Variants in ADAMTS18 observed in about 807,000 individuals in gnomAD.
ADAMTS18 encodes A disintegrin and metalloproteinase with thrombospondin motifs 18.
A neutral mutation model predicts 165.9 loss-of-function variants in ADAMTS18; 157 were observed. The ratio of observed to expected loss-of-function variants is 0.95; its 90% CI spans 0.83 to 1.08. The LOEUF (loss-of-function observed/expected upper bound fraction) is 1.08. Ranked by LOEUF, ADAMTS18 falls within the 50% of genes least tolerant of loss-of-function variation. The probability of loss-of-function intolerance (pLI) is 0.00; values close to 1 mark genes in which losing one functional copy is unlikely to be tolerated. For missense variants in ADAMTS18, 2,040 were observed against 1,534.0 expected (o/e 1.33, Z -5.51); for synonymous variants, 782 against 578.2 (o/e 1.35, Z -5.06).
intron 6 of ADAMTS18, among the ~76,000 whole-genome samples, chr16:77,363,318 G>A (rs1321301251): frequency 1.3e-5 from 2 of 152,000 alleles, no homozygotes; most frequent in African/African-American, 4.8e-5. Context: ...AGATGGTACT[G>A]GGGATACAGT....
chr16:77,328,359 A>C (rs952907032), intron 12 of ADAMTS18, among the ~76,000 whole-genome samples: 1 of 152,138 alleles, frequency 6.6e-6, no homozygotes, highest in Non-Finnish European at 1.5e-5. Context: ...CCAGGTTAAT[A>C]AATTTATGTG....
intron 3 of ADAMTS18, among the ~76,000 whole-genome samples, chr16:77,393,871 C>G (rs577998666): frequency 1.3e-5 from 2 of 152,322 alleles, no homozygotes; most frequent in East Asian, 3.9e-4. Flanking sequence ...CTTTCTTCAA[C>G]TGTCCTTTGA....
At chr16:77,320,437 G>T (rs2055975122) in intron 15 of ADAMTS18, among the ~76,000 whole-genome samples, 1 of 152,120 alleles carries the variant, frequency 6.6e-6, no homozygotes, top group South Asian at 2.1e-4. Flanking sequence ...TCAGGAGTTT[G>T]AGACCAGCCT....
intron 13 of ADAMTS18, among the ~76,000 whole-genome samples, chr16:77,323,344 A>G (rs961815661): frequency 6.6e-6 from 1 of 152,182 alleles, no homozygotes; most frequent in Non-Finnish European, 1.5e-5. Context: ...ATAAAAGACA[A>G]ACTAAAAACT....
At chr16:77,327,371 C>A (rs1040788267) in intron 12 of ADAMTS18, among the ~76,000 whole-genome samples, 1 of 152,102 alleles carries the variant, frequency 6.6e-6, no homozygotes, top group Non-Finnish European at 1.5e-5. Context: ...TCCAATGTAT[C>A]ATTCTTATGC....
chr16:77,328,247 C>T (rs942414714), intron 12 of ADAMTS18, among the ~76,000 whole-genome samples: 2 of 152,142 alleles, frequency 1.3e-5, no homozygotes, highest in Admixed American at 6.6e-5. Context: ...CAGCTTACTC[C>T]GTGCACAAAG....
At chr16:77,364,538 T>C (rs1362018083) in intron 4 of ADAMTS18, among the ~76,000 whole-genome samples, 157 bp from the exon 5 acceptor site, 1 of 144,928 alleles carries the variant, frequency 6.9e-6, no homozygotes, top group Non-Finnish European at 1.5e-5. Context: ...CCAGGTGCCT[T>C]GCATCTAGTA....
intron 21 of ADAMTS18, among the ~76,000 whole-genome samples, chr16:77,289,854 G>T (rs1055270004): frequency 5.9e-5 from 9 of 152,210 alleles, no homozygotes; most frequent in African/African-American, 2.2e-4. Flanking sequence ...CTGGAATTAG[G>T]TCCTCGGTGC....
intron 3 of ADAMTS18, among the ~76,000 whole-genome samples, chr16:77,413,105 T>G (rs1567550060): frequency 6.6e-6 from 1 of 152,146 alleles, no homozygotes; most frequent in Non-Finnish European, 1.5e-5. Flanking sequence ...ATGCACCCAT[T>G]CATGCTCATC....
intron 16 of ADAMTS18, among the ~76,000 whole-genome samples, chr16:77,311,192 T>G (rs1173414212): frequency 6.6e-6 from 1 of 152,222 alleles, no homozygotes; most frequent in Admixed American, 6.5e-5. Context: ...TCATAAGGAC[T>G]TAGTGAATAT....
At chr16:77,348,906 G>C (rs531296306) in intron 10 of ADAMTS18, among the ~76,000 whole-genome samples, 55 of 152,234 alleles carry the variant, frequency 3.6e-4, no homozygotes, top group Non-Finnish European at 6.9e-4. Context: ...TCACTGGGTG[G>C]CCACACAGCA....
In ADAMTS18 at chr16:77,367,727, A is replaced by T; in HGVS notation, c.496-4T>A. 2 of 1,614,194 alleles carry T rather than the reference A, an allele frequency of 1.2e-6. No individual in the cohort carries two copies. Among genetic ancestry groups the T allele is most frequent in the Non-Finnish European group, 1.7e-6 (2 of 1,180,022 alleles). ...TTCGTGTCCTTATTAAACCTGACTA[A>T]AAAGCCAAACACAAAGCAAACAGTC... On this transcript the variant is annotated splice_region_variant and splice_polypyrimidine_tract_variant and intron_variant, in intron 3 of 22. Coordinates refer to ENST00000282849, the MANE Select transcript of ADAMTS18 (RefSeq NM_199355.4).
chr16:77,413,364 A>G (rs1176508198), intron 3 of ADAMTS18, among the ~76,000 whole-genome samples: 1 of 152,210 alleles, frequency 6.6e-6, no homozygotes, highest in Non-Finnish European at 1.5e-5. Flanking sequence ...TAGAGTGCAG[A>G]AAAACCTTAC....
In ADAMTS18 at chr16:77,310,638, C is replaced by CT. The variant is rs11323023; in HGVS notation, c.2532+9210dup. On this transcript the variant is annotated intron_variant, in intron 16 of 22. Transcript: ENST00000282849. ...AAGATTTATGTCTTAACCTTTTTTT[C>CT]TTTTTTTTTTGGAGACAGGGTCTCT... is the stretch of plus-strand genomic sequence containing the variant. Among the ~76,000 whole-genome samples the CT allele has an allele frequency of 9.0e-3, 1,345 of 149,434 alleles. 21 individuals are homozygous for CT. Among genetic ancestry groups the CT allele is most frequent in the African/African-American group, 0.029 (1,200 of 40,798 alleles).
intron 3 of ADAMTS18, among the ~76,000 whole-genome samples, chr16:77,377,913 G>C (rs985950883): frequency 1.3e-5 from 2 of 152,142 alleles, no homozygotes; most frequent in Non-Finnish European, 2.9e-5. Context: ...GAAATTCATA[G>C]TCCAGGGGCT....
At chr16:77,432,096 C>T (rs975246401) in intron 2 of ADAMTS18, among the ~76,000 whole-genome samples, 16 of 152,306 alleles carry the variant, frequency 1.1e-4, no homozygotes, top group African/African-American at 3.8e-4. Context: ...GCAGAGTTTA[C>T]ATTTCAAGTC....
chr16:77,321,119 C>A lies in ADAMTS18; in HGVS notation c.2247G>T (p.Lys749Asn), dbSNP rs934210287. Residue 749 changes from lysine (K) to asparagine (N), a missense_variant, in exon 15 of 23, where the codon AAG becomes AAT. Physicochemically the swap from Lys to Asn is moderately conservative, Grantham distance 94. Transcript: ENST00000282849. ...GVCKGDNSTC[K>N]FYKGLYLNQH... ...GGTTGAGGTACAGGCCTTTATAAAA[C>A]TTGCAAGTTGAATTATCACCTTTGC... 1 of 1,614,186 alleles carries A rather than the reference C, an allele frequency of 6.2e-7. No individual in the cohort carries two copies. Among genetic ancestry groups the A allele is most frequent in the Non-Finnish European group, 8.5e-7 (1 of 1,180,022 alleles).
intron 2 of ADAMTS18, 176 bp from the exon 3 acceptor site, chr16:77,431,787 A>G: frequency 1.4e-6 from 1 of 691,064 alleles, no homozygotes; most frequent in South Asian, 1.7e-5. Flanking sequence ...TGTCTCTACA[A>G]CTAACTCGGC....
chr16:77,321,277 T>C, intron 14 of ADAMTS18, 75 bp from the exon 15 acceptor site: 2 of 1,579,754 alleles, frequency 1.3e-6, no homozygotes, highest in Non-Finnish European at 1.7e-6. Flanking sequence ...AAGAGGTATA[T>C]GGTTCTCTGT....
Sources: gnomAD v4.1 joint callset for allele counts (sites outside exome capture counted in the v4.1 genomes callset) on GRCh38, gnomAD v4.1.1 for gene constraint, MANE v1.5 for transcripts, NCBI Gene and HGNC (gene_info 2026-07-23, HGNC 2026-07-21) for gene names.